PCDH9: variants seen among roughly 807,000 people sequenced by gnomAD.
The protein encoded by PCDH9 is protocadherin-9.
In PCDH9, 24 loss-of-function variants were observed where a neutral mutation model predicts 70.6. The ratio of observed to expected loss-of-function variants is 0.34; its 90% CI spans 0.25 to 0.48. The LOEUF (loss-of-function observed/expected upper bound fraction) is 0.48, where lower values mean the gene tolerates loss of function less well. Ranked by LOEUF, PCDH9 falls within the 20% of genes least tolerant of loss-of-function variation. The pLI is 0.99. For synonymous variants in PCDH9, 562 were observed against 558.5 expected (o/e 1.01, Z -0.09); for missense variants, 1,281 against 1,503.6 (o/e 0.85, Z 2.45).
chr13:66,491,614 G>A (rs544860798), intron 4 of PCDH9, among the ~76,000 whole-genome samples: 4 of 151,972 alleles, frequency 2.6e-5, no homozygotes, highest in African/African-American at 7.2e-5. Context: ...GAATTGTTTG[G>A]GTAATACTTA....
intron 2 of PCDH9, among the ~76,000 whole-genome samples, chr13:67,067,365 G>A (rs1020373677): frequency 6.6e-6 from 1 of 152,058 alleles, no homozygotes; most frequent in Non-Finnish European, 1.5e-5. Context: ...ATCAAAAATT[G>A]TATCATTTTG....
chr13:66,789,775 G>A (rs1369332646), intron 3 of PCDH9, among the ~76,000 whole-genome samples: 1 of 151,998 alleles, frequency 6.6e-6, no homozygotes, highest in Admixed American at 6.6e-5. Flanking sequence ...ATTGTGAAAG[G>A]CAAGCTCCAT....
At chr13:67,206,507 G>A (rs1275196849) in intron 2 of PCDH9, 2 of 152,018 alleles carry the variant, frequency 1.3e-5, no homozygotes, top group Non-Finnish European at 2.9e-5. Context: ...CCCGTAATAT[G>A]GTATATTTGT....
intron 4 of PCDH9, among the ~76,000 whole-genome samples, chr13:66,317,272 T>C (rs1438117400): frequency 6.6e-6 from 1 of 152,202 alleles, no homozygotes; most frequent in African/African-American, 2.4e-5. Flanking sequence ...AGAAACTGCA[T>C]GTAAAACATT....
intron 2 of PCDH9, among the ~76,000 whole-genome samples, chr13:67,161,863 C>T (rs1022513480): frequency 6.6e-6 from 1 of 152,146 alleles, no homozygotes; most frequent in Non-Finnish European, 1.5e-5. Context: ...ATAGTAGCAA[C>T]GACACAACTC....
chr13:66,326,567 C>T (rs986081228), intron 4 of PCDH9, among the ~76,000 whole-genome samples: 173 of 152,080 alleles, frequency 1.1e-3, no homozygotes, highest in Non-Finnish European at 1.4e-3. Flanking sequence ...TACAGGCGCC[C>T]GCCACCACGC....
At chr13:66,459,719 T>C (rs1958385726) in intron 4 of PCDH9, among the ~76,000 whole-genome samples, 1 of 152,008 alleles carries the variant, frequency 6.6e-6, no homozygotes, top group Non-Finnish European at 1.5e-5. Flanking sequence ...ACAAAATGTA[T>C]TCGCATGCTT....
intron 2 of PCDH9, among the ~76,000 whole-genome samples, chr13:67,136,609 CTA>C (rs1441810356): frequency 6.6e-6 from 1 of 152,058 alleles, no homozygotes; most frequent in Non-Finnish European, 1.5e-5. Context: ...TAGCTAAACT[CTA>C]TATAAATGGT....
At chr13:66,982,190 T>C (rs2083787128) in intron 2 of PCDH9, among the ~76,000 whole-genome samples, 1 of 152,028 alleles carries the variant, frequency 6.6e-6, no homozygotes, top group Admixed American at 6.6e-5. Context: ...CCACCGTGAG[T>C]AAAAGTTATC....
At chr13:66,867,396 G>A (rs1448529925) in intron 3 of PCDH9, among the ~76,000 whole-genome samples, 4 of 152,030 alleles carry the variant, frequency 2.6e-5, no homozygotes, top group Non-Finnish European at 4.4e-5. Context: ...ATACCTAATT[G>A]CTTATCTCTA....
chr13:66,779,623 C>T (rs2139294191), intron 3 of PCDH9, among the ~76,000 whole-genome samples: 1 of 152,000 alleles, frequency 6.6e-6, no homozygotes, highest in East Asian at 1.9e-4. Context: ...GAGATTGAGA[C>T]CATCTTAGCC....
chr13:66,961,223 ACAAT>A (rs1354418026), intron 2 of PCDH9, among the ~76,000 whole-genome samples: 9 of 152,174 alleles, frequency 5.9e-5, no homozygotes, highest in Admixed American at 5.2e-4. Flanking sequence ...TGGTATGAAA[ACAAT>A]CAGAGAGTTC....
At chr13:66,524,707 C>T (rs984178232) in intron 4 of PCDH9, among the ~76,000 whole-genome samples, 11 of 152,012 alleles carry the variant, frequency 7.2e-5, no homozygotes, top group African/African-American at 2.7e-4. Flanking sequence ...GATAATTCAG[C>T]ACTCGTTGAG....
At chr13:66,330,282 C>T (rs1235667670) in intron 4 of PCDH9, among the ~76,000 whole-genome samples, 1 of 152,216 alleles carries the variant, frequency 6.6e-6, no homozygotes, top group Middle Eastern at 3.2e-3. Flanking sequence ...AGTAATTGCT[C>T]ATAGGGTCCA....
chr13:66,392,598 T>C (rs976457098), intron 4 of PCDH9, among the ~76,000 whole-genome samples: 2 of 152,162 alleles, frequency 1.3e-5, no homozygotes, highest in Non-Finnish European at 2.9e-5. Context: ...CTGTAAACTC[T>C]AAAGTCTGCA....
intron 4 of PCDH9, among the ~76,000 whole-genome samples, chr13:66,550,415 T>C (rs1157990181): frequency 6.6e-6 from 1 of 152,116 alleles, no homozygotes. Flanking sequence ...AATTACCCCA[T>C]AGAAACATAT....
chr13:67,077,149 T>C (rs1478600205), intron 2 of PCDH9, among the ~76,000 whole-genome samples: 1 of 152,144 alleles, frequency 6.6e-6, no homozygotes, highest in Non-Finnish European at 1.5e-5. Context: ...TGCACTGTCT[T>C]AAAAAATACC....
At chr13:66,710,046 A>G (rs887135647) in intron 3 of PCDH9, among the ~76,000 whole-genome samples, 15 of 152,272 alleles carry the variant, frequency 9.9e-5, no homozygotes, top group African/African-American at 3.4e-4. Flanking sequence ...CCAATGTCCT[A>G]TGTCAGCTAT....
chr13:66,509,022 A>C (rs1484752136), intron 4 of PCDH9, among the ~76,000 whole-genome samples: 2 of 152,134 alleles, frequency 1.3e-5, no homozygotes, highest in African/African-American at 4.8e-5. Context: ...GTATATATGA[A>C]GCCTCCTGTG....
Sources: gnomAD v4.1 joint callset for allele counts (sites outside exome capture counted in the v4.1 genomes callset) on GRCh38, gnomAD v4.1.1 for gene constraint, MANE v1.5 for transcripts, NCBI Gene and HGNC (gene_info 2026-07-23, HGNC 2026-07-21) for gene names.